Variants in CDYL observed in about 807,000 individuals in gnomAD.
CDYL encodes the protein chromodomain Y-like protein.
In CDYL, 8 loss-of-function variants were observed where a neutral mutation model predicts 47.3. The observed-to-expected ratio is 0.17, with a 90% CI of 0.10 to 0.31. The LOEUF (loss-of-function observed/expected upper bound fraction) is 0.31. CDYL is among the 10% of genes least tolerant of loss of function. The probability of loss-of-function intolerance (pLI) is 1.00; values close to 1 mark genes in which losing one functional copy is unlikely to be tolerated. For synonymous variants in CDYL, 266 were observed against 265.0 expected (o/e 1.00, Z -0.04); for missense variants, 471 against 701.4 (o/e 0.67, Z 3.71).
intron 3 of CDYL, among the ~76,000 whole-genome samples, chr6:4,936,690 T>C (rs898897161): frequency 1.3e-5 from 2 of 152,204 alleles, no homozygotes; most frequent in African/African-American, 4.8e-5. Flanking sequence ...CCAAGTGTAA[T>C]AGGGTAGTTT....
chr6:4,857,578 C>G (rs1186394749), intron 1 of CDYL, among the ~76,000 whole-genome samples: 1 of 152,094 alleles, frequency 6.6e-6, no homozygotes, highest in Non-Finnish European at 1.5e-5. Flanking sequence ...ACAGGTAGAT[C>G]GTTGAGGACT....
intron 1 of CDYL, among the ~76,000 whole-genome samples, chr6:4,857,389 AG>A (rs1172880288): frequency 6.6e-6 from 1 of 152,238 alleles, no homozygotes; most frequent in Non-Finnish European, 1.5e-5. Flanking sequence ...ATCGAATTTA[AG>A]GGTAGTTGCA....
intron 1 of CDYL, among the ~76,000 whole-genome samples, chr6:4,875,189 C>T (rs1431515250): frequency 6.6e-6 from 1 of 152,080 alleles, no homozygotes; most frequent in African/African-American, 2.4e-5. Flanking sequence ...GCAGCACTGA[C>T]GTTTTTCTTT....
At chr6:4,872,955 A>G (rs1002434273) in intron 1 of CDYL, among the ~76,000 whole-genome samples, 3 of 152,212 alleles carry the variant, frequency 2.0e-5, no homozygotes, top group Non-Finnish European at 4.4e-5. Flanking sequence ...TGTGTTGTCA[A>G]TGGGAAATAA....
At chr6:4,712,328 GCA>G (rs1757165772) in intron 1 of CDYL, among the ~76,000 whole-genome samples, 2 of 152,216 alleles carry the variant, frequency 1.3e-5, no homozygotes, top group Non-Finnish European at 2.9e-5. Flanking sequence ...CCCATGAGGT[GCA>G]GAGATACTAG....
At chr6:4,736,708 T>C (rs569849757) in intron 3 of CDYL, among the ~76,000 whole-genome samples, 50 of 152,222 alleles carry the variant, frequency 3.3e-4, no homozygotes, top group Admixed American at 7.9e-4. Flanking sequence ...GCTTTTTTTT[T>C]CCCTCATAAC....
At chr6:4,821,763 G>T (rs1469279215) in intron 1 of CDYL, among the ~76,000 whole-genome samples, 2 of 151,808 alleles carry the variant, frequency 1.3e-5, no homozygotes, top group Non-Finnish European at 2.9e-5. Context: ...CGATCCTTGG[G>T]TTTCCATGTG....
intron 1 of CDYL, among the ~76,000 whole-genome samples, chr6:4,825,766 G>A (rs1759964136): frequency 6.6e-6 from 1 of 150,884 alleles, no homozygotes; most frequent in Non-Finnish European, 1.5e-5. Flanking sequence ...TTCCATATTT[G>A]CCTATTTGCT....
intron 1 of CDYL, among the ~76,000 whole-genome samples, chr6:4,855,327 A>G (rs1302641167): frequency 6.6e-6 from 1 of 152,168 alleles, no homozygotes; most frequent in African/African-American, 2.4e-5. Flanking sequence ...CCCAGGCTAG[A>G]GTGCAGTGTT....
At chr6:4,757,969 T>A (rs1758101695) in intron 3 of CDYL, among the ~76,000 whole-genome samples, 1 of 152,178 alleles carries the variant, frequency 6.6e-6, no homozygotes, top group Admixed American at 6.5e-5. Flanking sequence ...TCTGTAAAAA[T>A]TTTTTAAAAA....
chr6:4,913,435 TA>T (rs1167346721), intron 2 of CDYL, among the ~76,000 whole-genome samples: 2 of 152,188 alleles, frequency 1.3e-5, no homozygotes, highest in Non-Finnish European at 2.9e-5. Context: ...TCACCAAAGC[TA>T]AAATCATAGA....
At chr6:4,715,777 T>G in exon 2 of CDYL, 1 of 1,614,020 alleles carries the variant, frequency 6.2e-7, no homozygotes. Context: ...CGGAAGAATT[T>G]TATGACATTT....
At chr6:4,938,190 C>T (rs1047419096) in intron 4 of CDYL, among the ~76,000 whole-genome samples, 4 of 151,828 alleles carry the variant, frequency 2.6e-5, no homozygotes, top group Admixed American at 1.3e-4. Flanking sequence ...GAGATAGCTC[C>T]GTAACACCAC....
chr6:4,728,906 C>G (rs965102989), intron 2 of CDYL, among the ~76,000 whole-genome samples: 1 of 152,164 alleles, frequency 6.6e-6, no homozygotes, highest in Non-Finnish European at 1.5e-5. Context: ...CCATGCCATT[C>G]CACTAATTTA....
At chr6:4,827,760 A>T (rs1336960520) in intron 1 of CDYL, among the ~76,000 whole-genome samples, 1 of 151,946 alleles carries the variant, frequency 6.6e-6, no homozygotes, top group African/African-American at 2.4e-5. Context: ...GGGTCAAGTG[A>T]TCTCCTGCCT....
chr6:4,868,583 T>C (rs1761387270), intron 1 of CDYL, among the ~76,000 whole-genome samples: 1 of 152,170 alleles, frequency 6.6e-6, no homozygotes, highest in Non-Finnish European at 1.5e-5. Flanking sequence ...TCTGGTCTTT[T>C]GTAGTAAATG....
intron 1 of CDYL, among the ~76,000 whole-genome samples, chr6:4,885,621 C>G (rs1761880817): frequency 6.6e-6 from 1 of 152,220 alleles, no homozygotes. Flanking sequence ...CAAGTTATAG[C>G]TTGGTAGTTT....
intron 2 of CDYL, among the ~76,000 whole-genome samples, chr6:4,935,190 TAG>T (rs1181888201): frequency 6.6e-6 from 1 of 152,234 alleles, no homozygotes; most frequent in East Asian, 1.9e-4. Context: ...AAACCTGGAA[TAG>T]ATACTCTCCA....
intron 1 of CDYL, among the ~76,000 whole-genome samples, chr6:4,875,714 A>AT (rs1294913307): frequency 3.3e-5 from 5 of 152,032 alleles, no homozygotes; most frequent in Non-Finnish European, 7.4e-5. Flanking sequence ...ATGAACACTG[A>AT]TTTTTTTCCT....
Sources: allele counts gnomAD v4.1 joint callset (sites outside exome capture counted in the v4.1 genomes callset), GRCh38; gene constraint gnomAD v4.1.1; transcripts MANE v1.5; gene names NCBI Gene and HGNC (gene_info 2026-07-23, HGNC 2026-07-21).